Variants in PDE11A observed in about 807,000 individuals in gnomAD.
PDE11A encodes the protein phosphodiesterase 11A.
In PDE11A, 100 loss-of-function variants were observed where a neutral mutation model predicts 100.5. That is an observed-to-expected ratio of 1.00 (90% CI 0.85 to 1.18). The LOEUF (loss-of-function observed/expected upper bound fraction) is 1.18, where lower values mean the gene tolerates loss of function less well. Ranked by LOEUF, PDE11A falls within the 50% of genes most tolerant of loss-of-function variation. The pLI is 0.00. For synonymous variants in PDE11A, 381 were observed against 420.8 expected, an observed-to-expected ratio of 0.91 and a Z score of 1.16; for missense variants, 1,141 against 1,152.6, an observed-to-expected ratio of 0.99 and a Z score of 0.15.
intron 10 of PDE11A, among the ~76,000 whole-genome samples, chr2:177,752,903 T>G (rs537799795): frequency 6.6e-6 from 1 of 152,260 alleles, no homozygotes; most frequent in Non-Finnish European, 1.5e-5. Flanking sequence ...TAAGTTAATA[T>G]GTTTGCCCAT....
chr2:177,855,692 C>G (rs1265244362), intron 5 of PDE11A, among the ~76,000 whole-genome samples: 1 of 151,930 alleles, frequency 6.6e-6, no homozygotes, highest in Non-Finnish European at 1.5e-5. Flanking sequence ...TGACTCAGGG[C>G]TTGTTTATTG....
Position 178,107,711 on chromosome 2 carries a change from C to CTTTTTT in PDE11A, c.-14+537_-14+542dup, listed in dbSNP as rs772556248. Among the ~76,000 whole-genome samples, 1,094 of 142,610 alleles carry CTTTTTT rather than the reference C, an allele frequency of 7.7e-3. 32 individuals carry two copies. The highest frequency in any genetic ancestry group is 0.01 in the Non-Finnish European group (660 of 65,658). 93.6% of individuals were successfully genotyped at this position (142,610 alleles called of 152,430 possible). ...TATAATCTTATAGGTTTAACAATTCCTTTTTTTTTCTTTTTTTTTTTTTTT... is the reference window on the plus strand; with the variant it reads ...TATAATCTTATAGGTTTAACAATTCCTTTTTTTTTTTTTTTCTTTTTTTTTTTTTTT... On this transcript the variant is annotated intron_variant, in intron 1 of 20. Coordinates refer to the PDE11A transcript ENST00000358450.
chr2:177,721,874 T>C (rs1179551561), intron 12 of PDE11A, among the ~76,000 whole-genome samples: 1 of 152,152 alleles, frequency 6.6e-6, no homozygotes, highest in Non-Finnish European at 1.5e-5. Flanking sequence ...TAGCCATAAT[T>C]CAGCCGAAAC....
chr2:177,997,979 G>A (rs1480754904), intron 2 of PDE11A: 1 of 1,197,588 alleles, frequency 8.4e-7, no homozygotes, highest in Non-Finnish European at 1.2e-6. Context: ...GGGAGAACCT[G>A]CTCACAGAAA....
intron 6 of PDE11A, among the ~76,000 whole-genome samples, chr2:177,832,146 C>A (rs900327263): frequency 2.6e-5 from 4 of 152,068 alleles, no homozygotes; most frequent in African/African-American, 9.7e-5. Context: ...ATAGAAAAAC[C>A]CTGAAACTAG....
chr2:177,780,629 C>A (rs73032055), intron 9 of PDE11A, among the ~76,000 whole-genome samples: 1 of 152,188 alleles, frequency 6.6e-6, no homozygotes. Context: ...ATGATCTTAG[C>A]TAGATGTTCT....
intron 1 of PDE11A, among the ~76,000 whole-genome samples, chr2:178,029,575 A>T (rs1277312778): frequency 1.3e-5 from 2 of 152,120 alleles, no homozygotes; most frequent in East Asian, 1.9e-4. Context: ...TCAACTTAAT[A>T]ATCATCCAAC....
intron 9 of PDE11A, among the ~76,000 whole-genome samples, chr2:177,774,218 GT>G (rs1035468920): frequency 1.6e-4 from 25 of 151,886 alleles, no homozygotes; most frequent in African/African-American, 6.1e-4. Flanking sequence ...GTGACCAAAT[GT>G]ATTTGCCTTG....
intron 6 of PDE11A, among the ~76,000 whole-genome samples, chr2:177,827,730 T>C (rs568715502): frequency 1.6e-4 from 24 of 152,238 alleles, no homozygotes; most frequent in African/African-American, 5.8e-4. Context: ...CTACAGAAAA[T>C]TGAATTCCGA....
intron 1 of PDE11A, among the ~76,000 whole-genome samples, chr2:178,054,809 C>T (rs1019109485): frequency 6.6e-6 from 1 of 152,186 alleles, no homozygotes; most frequent in Non-Finnish European, 1.5e-5. Context: ...TACCATCTCA[C>T]ACCAGTTAGA....
chr2:177,869,243 A>T (rs1243992810), intron 5 of PDE11A, among the ~76,000 whole-genome samples: 2 of 152,270 alleles, frequency 1.3e-5, no homozygotes, highest in Non-Finnish European at 2.9e-5. Context: ...TCACAAGTTC[A>T]TCATGACGTG....
intron 4 of PDE11A, among the ~76,000 whole-genome samples, chr2:177,890,015 G>A (rs2084505217): frequency 6.6e-6 from 1 of 151,988 alleles, no homozygotes; most frequent in Non-Finnish European, 1.5e-5. Context: ...TGAAGTCAGG[G>A]GAATGATTTA....
chr2:177,786,229 A>C (rs28791491), intron 9 of PDE11A, among the ~76,000 whole-genome samples: 24,777 of 152,252 alleles, frequency 0.16, 2,095 homozygotes, highest in Non-Finnish European at 0.18. Context: ...TTCGCGGTTC[A>C]TGAAAATCCG....
chr2:177,931,716 C>A (rs2695754), intron 2 of PDE11A, among the ~76,000 whole-genome samples: 2 of 151,664 alleles, frequency 1.3e-5, no homozygotes, highest in Non-Finnish European at 2.9e-5. Context: ...CTCAAATTAA[C>A]GATCTGACAT....
intron 9 of PDE11A, among the ~76,000 whole-genome samples, chr2:177,804,070 A>G (rs1473421625): frequency 6.6e-6 from 1 of 152,012 alleles, no homozygotes. Context: ...ATTTATGACC[A>G]AGCCCTCAAA....
chr2:177,857,696 C>T (rs2083865492), intron 5 of PDE11A, among the ~76,000 whole-genome samples: 1 of 151,924 alleles, frequency 6.6e-6, no homozygotes, highest in Non-Finnish European at 1.5e-5. Context: ...TCACTAGTTA[C>T]ATTAAATGTA....
chr2:177,670,125 G>A (rs1476398479), intron 17 of PDE11A, among the ~76,000 whole-genome samples: 4 of 152,172 alleles, frequency 2.6e-5, no homozygotes, highest in Non-Finnish European at 5.9e-5. Flanking sequence ...TCAATCAAGA[G>A]GCAGGACTAA....
At chr2:177,836,619 T>A (rs1406517289) in intron 6 of PDE11A, among the ~76,000 whole-genome samples, 1 of 152,224 alleles carries the variant, frequency 6.6e-6, no homozygotes, top group Non-Finnish European at 1.5e-5. Flanking sequence ...GTGGAAGCTT[T>A]GTTCTTTTGC....
At chr2:177,755,235 G>C (rs2082075912) in intron 10 of PDE11A, among the ~76,000 whole-genome samples, 1 of 152,172 alleles carries the variant, frequency 6.6e-6, no homozygotes, top group South Asian at 2.1e-4. Flanking sequence ...AGCATCAGTG[G>C]GGTCACCCCT....
Sources: allele counts gnomAD v4.1 joint callset (sites outside exome capture counted in the v4.1 genomes callset), GRCh38; gene constraint gnomAD v4.1.1; transcripts MANE v1.5; gene names NCBI Gene and HGNC (gene_info 2026-07-23, HGNC 2026-07-21).